TSPAN8: variants seen among roughly 807,000 people sequenced by gnomAD.
TSPAN8 encodes the protein tetraspanin-8.
A neutral mutation model predicts 32.8 loss-of-function variants in TSPAN8; 21 were observed. The ratio of observed to expected loss-of-function variants is 0.64; its 90% CI spans 0.45 to 0.92. The LOEUF (loss-of-function observed/expected upper bound fraction) is 0.92. Among genes scored for constraint, TSPAN8 ranks in the 40% least tolerant of loss-of-function variants. TSPAN8 has a pLI of 0.00. For missense variants in TSPAN8, 269 were observed against 281.9 expected, an observed-to-expected ratio of 0.95 and a Z score of 0.33; for synonymous variants, 95 against 94.6, an observed-to-expected ratio of 1.00 and a Z score of -0.03.
intron 7 of TSPAN8, among the ~76,000 whole-genome samples, chr12:71,131,699 A>AG (rs1592399639): frequency 6.7e-6 from 1 of 149,286 alleles, no homozygotes; most frequent in Non-Finnish European, 1.5e-5. Flanking sequence ...AATAACAGTA[A>AG]ATAAATGAAA....
At chr12:71,142,555 A>G (rs1462505720) in intron 3 of TSPAN8, among the ~76,000 whole-genome samples, 1 of 152,206 alleles carries the variant, frequency 6.6e-6, no homozygotes, top group East Asian at 1.9e-4. Context: ...TTCAGATTCT[A>G]CAGGATGGTA....
Position 71,139,831 on chromosome 12 carries a change from A to C in TSPAN8, c.141T>G (p.Asp47Glu), listed in dbSNP as rs768018986. Residue 47 changes from aspartate (D) to glutamate (E), a missense_variant, in exon 4 of 9, where the codon GAT (aspartate) becomes GAG (glutamate). Asp to Glu is a conservative substitution (Grantham distance 45, BLOSUM62 2). Transcript: ENST00000247829. ...CAGCAACGTAGGAGCTAGAGCCTACATCTTCAGAACCAAAAATCTGAAGTA... is the reference window on the plus strand; with the variant it reads ...CAGCAACGTAGGAGCTAGAGCCTACCTCTTCAGAACCAAAAATCTGAAGTA... Reference protein sequence around the residue: ...NDSQAIFGSEDVGSSSYVAVD... With the variant: ...NDSQAIFGSEEVGSSSYVAVD... 4 of 1,610,372 alleles carry C rather than the reference A, an allele frequency of 2.5e-6. No individual in the cohort carries two copies. The South Asian group carries it at 4.4e-5, about 18-fold the overall frequency.
At chr12:71,128,305 C>T (rs1473738960) in intron 8 of TSPAN8, among the ~76,000 whole-genome samples, 1 of 152,168 alleles carries the variant, frequency 6.6e-6, no homozygotes, top group Non-Finnish European at 1.5e-5. Flanking sequence ...ACTTAGGACA[C>T]TAAATTGCTT....
At chr12:71,149,082 A>C (rs1287394843) in intron 2 of TSPAN8, among the ~76,000 whole-genome samples, 1 of 152,182 alleles carries the variant, frequency 6.6e-6, no homozygotes, top group Non-Finnish European at 1.5e-5. Flanking sequence ...TTTCCTTGAA[A>C]AAGATGAGAC....
chr12:71,139,961 C>T, intron 3 of TSPAN8, 113 bp from the exon 4 acceptor site: 3 of 821,964 alleles, frequency 3.6e-6, no homozygotes, highest in Non-Finnish European at 5.1e-6. Flanking sequence ...TGCCAGGACC[C>T]TGAAATACAT....
chr12:71,125,447 A>G, intron 8 of TSPAN8, 60 bp from the exon 9 acceptor site: 3 of 1,344,880 alleles, frequency 2.2e-6, no homozygotes, highest in Non-Finnish European at 3.1e-6. Flanking sequence ...GACACATTAT[A>G]AATAAACAGA....
chr12:71,138,146 G>C lies in TSPAN8; in HGVS notation c.336+10C>G, dbSNP rs373211571. 2.0e-4 allele frequency: 321 copies of C among 1,613,784 alleles called. No individual in the cohort carries two copies. Among genetic ancestry groups the C allele is most frequent in the South Asian group, 1.9e-4 (17 of 91,070 alleles). ...ACTTCTTCAAAATTTTCAAACATCT[G>C]TGCACACACCTTAGATTTGAAAACA... On this transcript the variant is annotated intron_variant, in intron 5 of 8. Transcript: ENST00000247829.
chr12:71,152,223 G>A (rs1051006303), intron 2 of TSPAN8, among the ~76,000 whole-genome samples: 1 of 152,108 alleles, frequency 6.6e-6, no homozygotes, highest in East Asian at 1.9e-4. Flanking sequence ...AACAAGAAGG[G>A]GTAGATTCAG....
intron 6 of TSPAN8, among the ~76,000 whole-genome samples, chr12:71,133,903 GA>G (rs981950068): frequency 3.3e-5 from 5 of 150,452 alleles, no homozygotes; most frequent in African/African-American, 1.2e-4. Context: ...GAAATGGGAG[GA>G]AAAAAAAATG....
chr12:71,154,311 AAATAATAATAATAAT>A (rs58976021), intron 2 of TSPAN8, among the ~76,000 whole-genome samples: 37 of 137,224 alleles, frequency 2.7e-4, no homozygotes, highest in Admixed American at 8.1e-4. Context: ...CTCTGTCTCA[AAATAATAATAATAAT>A]AATAATAATA....
intron 6 of TSPAN8, among the ~76,000 whole-genome samples, chr12:71,136,234 T>C (rs1038091408): frequency 6.6e-6 from 1 of 152,176 alleles, no homozygotes; most frequent in African/African-American, 2.4e-5. Flanking sequence ...TTTTTTCCTC[T>C]GAAACTCTGG....
rs1326494537 is a variant in TSPAN8, at chr12:71,157,717, A to G, written c.-39T>C. 6.6e-7 allele frequency: 1 copy of G among 1,518,224 alleles called. No homozygotes were observed. Among genetic ancestry groups the G allele is most frequent in the South Asian group, 1.1e-5 (1 of 89,096 alleles). 94.0% of individuals were successfully genotyped at this position (1,518,224 alleles called of 1,614,324 possible). On this transcript the variant is annotated 5_prime_UTR_variant, in exon 2 of 9. Transcript: ENST00000247829. ...TAGGAATCCAGATGCCGTGAATTTAACTATTCGTTACAGGCTTGTCCTGCA... is the reference window on the plus strand; with the variant it reads ...TAGGAATCCAGATGCCGTGAATTTAGCTATTCGTTACAGGCTTGTCCTGCA...
chr12:71,132,594 C>A (rs1163751212), intron 7 of TSPAN8, 99 bp downstream of exon 7: 2 of 1,331,270 alleles, frequency 1.5e-6, no homozygotes, highest in African/African-American at 1.5e-5. Context: ...TATCATGATT[C>A]CCATGGTACT....
intron 2 of TSPAN8, 109 bp downstream of exon 2, chr12:71,157,510 T>G: frequency 1.3e-6 from 1 of 746,304 alleles, no homozygotes; most frequent in Non-Finnish European, 2.3e-6. Flanking sequence ...GGAAAATACA[T>G]TTTCCCCCTT....
In TSPAN8 at chr12:71,132,742, T is replaced by C. The variant is rs1871557043; in HGVS notation, c.527A>G (p.Asp176Gly). The change falls in exon 7 of 9, where the codon GAT becomes GGT. Residue 176 changes from aspartate (D) to glycine (G), a missense_variant. Physicochemically the swap from Asp to Gly is moderately conservative, Grantham distance 94 (BLOSUM62 -1). Transcript: ENST00000247829. ...QHYPELCACL[D>G]KQRPCQSYNG... is the part of the protein sequence containing the mutation. ...ATAGCTTTGGCATGGTCTCTGCTTATCTAGACAGGCACATAATTCAGGATA... is the reference window on the plus strand; with the variant it reads ...ATAGCTTTGGCATGGTCTCTGCTTACCTAGACAGGCACATAATTCAGGATA... The C allele has an allele frequency of 2.5e-6, 4 of 1,614,002 alleles. No homozygotes were observed. The highest frequency in any genetic ancestry group is 3.4e-6 in the Non-Finnish European group (4 of 1,179,970).
intron 3 of TSPAN8, among the ~76,000 whole-genome samples, chr12:71,141,540 G>T (rs935829296): frequency 6.6e-6 from 1 of 151,914 alleles, no homozygotes; most frequent in Non-Finnish European, 1.5e-5. Flanking sequence ...ACAAATAATA[G>T]TTCAAATATC....
Position 71,157,363 on chromosome 12 carries a change from A to AT in TSPAN8, c.60+255dup, listed in dbSNP as rs746088171. On this transcript the variant is annotated intron_variant, in intron 2 of 8. Coordinates refer to ENST00000247829, the MANE Select transcript of TSPAN8 (RefSeq NM_004616.3). ...TAAGGGGCATTTGTGTTCCTCTGTGATTTTTTTTTGCAGCAATATGAAAAC... is the reference window on the plus strand; with the variant it reads ...TAAGGGGCATTTGTGTTCCTCTGTGATTTTTTTTTTGCAGCAATATGAAAAC... The AT allele has an allele frequency of 3.8e-3, 1,472 of 384,154 alleles. 4 individuals carry two copies. Among genetic ancestry groups the AT allele is most frequent in the South Asian group, 0.014 (292 of 21,124 alleles). The allele number at this position is 384,154 out of a possible 1,614,324, so 23.8% of individuals were successfully genotyped here.
At chr12:71,154,361 G>C (rs990141020) in intron 2 of TSPAN8, among the ~76,000 whole-genome samples, 4 of 143,006 alleles carry the variant, frequency 2.8e-5, no homozygotes, top group Non-Finnish European at 6.1e-5. Flanking sequence ...AATAATCAGA[G>C]CTCGCCAGGA....
chr12:71,154,564 T>C (rs1872365315), intron 2 of TSPAN8, among the ~76,000 whole-genome samples: 1 of 152,120 alleles, frequency 6.6e-6, no homozygotes. Context: ...GTCTTCATAA[T>C]AGCTATTAGC....
Sources: gnomAD v4.1 joint callset for allele counts (sites outside exome capture counted in the v4.1 genomes callset) on GRCh38, gnomAD v4.1.1 for gene constraint, MANE v1.5 for transcripts, NCBI Gene and HGNC (gene_info 2026-07-23, HGNC 2026-07-21) for gene names.